Variants in SORCS3 observed in about 807,000 individuals in gnomAD.
SORCS3 encodes the protein VPS10 domain-containing receptor SorCS3.
A neutral mutation model predicts 146.3 loss-of-function variants in SORCS3; 57 were observed. That is an observed-to-expected ratio of 0.39 (90% CI 0.31 to 0.49). SORCS3 has a LOEUF of 0.49. SORCS3 is among the 20% of genes least tolerant of loss of function. The pLI, the probability that SORCS3 is intolerant of heterozygous loss-of-function variation, is 0.92. For synonymous variants in SORCS3, 653 were observed against 618.5 expected (o/e 1.06, Z -0.83); for missense variants, 1,341 against 1,575.5 (o/e 0.85, Z 2.52).
chr10:104,850,282 T>G (rs1273475435), intron 2 of SORCS3, among the ~76,000 whole-genome samples: 1 of 152,168 alleles, frequency 6.6e-6, no homozygotes, highest in African/African-American at 2.4e-5. Flanking sequence ...ACTCAGGAAT[T>G]TATTATTTCA....
At chr10:105,262,243 C>G in intron 25 of SORCS3, 88 bp from the exon 26 acceptor site, 1 of 1,230,378 alleles carries the variant, frequency 8.1e-7, no homozygotes, top group African/African-American at 1.5e-5. Flanking sequence ...TTAATAGCTT[C>G]TTCCTCCCCT....
intron 5 of SORCS3, among the ~76,000 whole-genome samples, chr10:105,047,455 T>C (rs1337284567): frequency 6.6e-6 from 1 of 152,180 alleles, no homozygotes; most frequent in African/African-American, 2.4e-5. Context: ...TTTGTCCCTC[T>C]TCTTTATCAT....
chr10:104,814,113 T>C (rs1051171135), intron 1 of SORCS3, among the ~76,000 whole-genome samples: 3 of 152,114 alleles, frequency 2.0e-5, no homozygotes, highest in Non-Finnish European at 4.4e-5. Context: ...TCTAAGGGGC[T>C]AGTCACTCAC....
chr10:104,931,346 G>A (rs942044944), intron 3 of SORCS3, among the ~76,000 whole-genome samples: 5 of 152,160 alleles, frequency 3.3e-5, no homozygotes, highest in African/African-American at 1.2e-4. Flanking sequence ...TGACATTAGG[G>A]CGCTTTGAGA....
chr10:104,873,537 T>C (rs2018540517), intron 2 of SORCS3, among the ~76,000 whole-genome samples: 1 of 152,234 alleles, frequency 6.6e-6, no homozygotes, highest in South Asian at 2.1e-4. Flanking sequence ...TTCTCCTTTT[T>C]TATAGTGGAA....
chr10:104,866,348 C>T (rs1483520430), intron 2 of SORCS3, among the ~76,000 whole-genome samples: 2 of 152,112 alleles, frequency 1.3e-5, no homozygotes, highest in African/African-American at 4.8e-5. Flanking sequence ...CCTTAAAGAA[C>T]AGAGTTACCA....
chr10:105,069,393 C>A (rs1041303285), intron 5 of SORCS3, among the ~76,000 whole-genome samples: 5 of 152,212 alleles, frequency 3.3e-5, no homozygotes, highest in African/African-American at 9.7e-5. Context: ...AACCTCTTGG[C>A]TTCTCTATTG....
intron 13 of SORCS3, among the ~76,000 whole-genome samples, chr10:105,176,039 A>G (rs1359799894): frequency 1.3e-5 from 2 of 152,216 alleles, no homozygotes; most frequent in African/African-American, 2.4e-5. Flanking sequence ...GCTGGCTGCT[A>G]ATGGGGTGGT....
intron 2 of SORCS3, among the ~76,000 whole-genome samples, chr10:104,863,173 A>G (rs562186595): frequency 2.6e-5 from 4 of 152,336 alleles, no homozygotes; most frequent in East Asian, 3.8e-4. Context: ...TTCATAACCA[A>G]GGAGTTTCTC....
intron 1 of SORCS3, among the ~76,000 whole-genome samples, chr10:104,724,495 T>C (rs931418368): frequency 3.3e-5 from 5 of 152,176 alleles, no homozygotes; most frequent in Non-Finnish European, 1.5e-5. Context: ...TGGCGTTCTC[T>C]GTATTTCCTG....
At chr10:104,893,871 G>T (rs959819317) in intron 2 of SORCS3, among the ~76,000 whole-genome samples, 1 of 152,080 alleles carries the variant, frequency 6.6e-6, no homozygotes, top group East Asian at 1.9e-4. Flanking sequence ...TAAGGACCTC[G>T]GGTTTTCTCC....
intron 8 of SORCS3, among the ~76,000 whole-genome samples, chr10:105,140,625 G>C (rs1240090625): frequency 2.0e-5 from 3 of 152,148 alleles, no homozygotes; most frequent in Non-Finnish European, 4.4e-5. Flanking sequence ...AAATAAAGGA[G>C]TTAATTCTGC....
At chr10:105,244,554 T>G (rs2056854744) in intron 20 of SORCS3, among the ~76,000 whole-genome samples, 2 of 152,186 alleles carry the variant, frequency 1.3e-5, no homozygotes, top group Admixed American at 1.3e-4. Context: ...TATATCTGCA[T>G]TCTATTTCTG....
intron 11 of SORCS3, among the ~76,000 whole-genome samples, chr10:105,163,883 TACAC>T (rs67886313): frequency 0.25 from 34,065 of 138,494 alleles, 4,297 homozygotes; most frequent in African/African-American, 0.35. Flanking sequence ...GTTACGCACA[TACAC>T]ACACACACAC....
At chr10:104,966,330 T>C (rs2054826065) in intron 3 of SORCS3, among the ~76,000 whole-genome samples, 1 of 152,180 alleles carries the variant, frequency 6.6e-6, no homozygotes, top group South Asian at 2.1e-4. Flanking sequence ...GAAGTCAATA[T>C]TCAACAACTT....
At chr10:105,049,575 G>A (rs1283914662) in intron 5 of SORCS3, among the ~76,000 whole-genome samples, 5 of 152,078 alleles carry the variant, frequency 3.3e-5, no homozygotes, top group Non-Finnish European at 7.4e-5. Context: ...ATTAGTTAAG[G>A]TTTAGTATTT....
intron 4 of SORCS3, among the ~76,000 whole-genome samples, chr10:104,997,862 G>A (rs921917402): frequency 6.6e-6 from 1 of 152,170 alleles, no homozygotes; most frequent in South Asian, 2.1e-4. Context: ...TCAATGAAGT[G>A]TCTCCATCTG....
intron 1 of SORCS3, among the ~76,000 whole-genome samples, chr10:104,786,205 C>A (rs769108643): frequency 2.7e-5 from 4 of 148,576 alleles, no homozygotes; most frequent in Non-Finnish European, 5.9e-5. Flanking sequence ...ACTGGGGAGT[C>A]AAAGGTAGAC....
At chr10:105,169,733 G>C (rs550659563) in intron 13 of SORCS3, among the ~76,000 whole-genome samples, 1 of 152,246 alleles carries the variant, frequency 6.6e-6, no homozygotes, top group South Asian at 2.1e-4. Flanking sequence ...AGAGGAAAGA[G>C]CTATCTCTAT....
Sources: gnomAD v4.1 joint callset for allele counts (sites outside exome capture counted in the v4.1 genomes callset) on GRCh38, gnomAD v4.1.1 for gene constraint, MANE v1.5 for transcripts, NCBI Gene and HGNC (gene_info 2026-07-23, HGNC 2026-07-21) for gene names.